Variants in DTWD2 observed in about 807,000 individuals in gnomAD.
DTWD2 encodes the protein tRNA-uridine aminocarboxypropyltransferase 2.
In DTWD2, 39 loss-of-function variants were observed where a neutral mutation model predicts 31.8. That is an observed-to-expected ratio of 1.22 (90% CI 0.95 to 1.60). DTWD2 has a LOEUF of 1.60. Among genes scored for constraint, DTWD2 ranks in the 40% most tolerant of loss-of-function variants. DTWD2 has a pLI of 0.00. For missense variants in DTWD2, 515 were observed against 381.5 expected, an observed-to-expected ratio of 1.35 and a Z score of -2.92; for synonymous variants, 180 against 142.8, an observed-to-expected ratio of 1.26 and a Z score of -1.86.
intron 4 of DTWD2, among the ~76,000 whole-genome samples, chr5:118,851,411 T>C (rs998890252): frequency 1.3e-5 from 2 of 151,898 alleles, no homozygotes; most frequent in Admixed American, 6.6e-5. Context: ...GATGCCCACC[T>C]GAGTCACAAA....
rs1374395353 is a variant in DTWD2 at position 118,841,061 on chromosome 5, T to C, written c.753A>G (p.Leu251=). The change falls in exon 6 of 6, where the codon TTA becomes TTG. Residue 251 remains leucine (L), a synonymous_variant. Transcript: ENST00000510708. The part of the protein sequence containing the change: ...QETLLRPLQA[L]CSFQLQHGAQ... ...CACCATGCTGAAGTTGAAAGGAGCA[T>C]AAAGCTTGAAGAGGGCGAAGCAAAG... 3 of 1,612,828 alleles carry C rather than the reference T, an allele frequency of 1.9e-6. No individual in the cohort carries two copies. The highest frequency in any genetic ancestry group is 1.3e-5 in the African/African-American group (1 of 74,874).
At position 118,848,134 on chromosome 5, in the gene DTWD2, C is replaced by G; in HGVS notation, c.682G>C (p.Ala228Pro). ...TTCTCCAAGATGGAAAGAGCAACAG[C>G]TGCACACTCCAGTGTAGAAAGGCAT... ...NRCLSTLECA[A>P]VALSILEKNN... The change falls in exon 5 of 6, where the codon GCT (alanine) becomes CCT (proline). Residue 228 changes from alanine to proline, a missense_variant. By Grantham distance (27) the Ala-to-Pro change is conservative. Transcript: ENST00000510708. The G allele has an allele frequency of 1.2e-6, 2 of 1,601,956 alleles. No individual in the cohort carries two copies. Among genetic ancestry groups the G allele is most frequent in the African/African-American group, 2.7e-5 (2 of 74,380 alleles).
intron 4 of DTWD2, among the ~76,000 whole-genome samples, chr5:118,891,853 T>G (rs1386102629): frequency 1.3e-5 from 2 of 152,202 alleles, no homozygotes; most frequent in African/African-American, 4.8e-5. Context: ...AAACTGCCTT[T>G]CGGTCTCTTA....
chr5:118,885,354 T>C (rs1385611064), intron 4 of DTWD2, among the ~76,000 whole-genome samples: 2 of 142,460 alleles, frequency 1.4e-5, no homozygotes, highest in Non-Finnish European at 3.0e-5. Flanking sequence ...CAGGAGGCTG[T>C]GGCGGAAGAA....
At chr5:118,874,825 T>A (rs1752585887) in intron 4 of DTWD2, among the ~76,000 whole-genome samples, 1 of 151,924 alleles carries the variant, frequency 6.6e-6, no homozygotes, top group Admixed American at 6.5e-5. Flanking sequence ...CAAAGCTAGC[T>A]AGAGAGGCCA....
intron 4 of DTWD2, among the ~76,000 whole-genome samples, chr5:118,899,757 G>A (rs150263426): frequency 1.6e-3 from 233 of 149,794 alleles, no homozygotes; most frequent in African/African-American, 5.3e-3. Context: ...AAATTTTATA[G>A]AAATTGAATC....
At chr5:118,845,413 T>A (rs774898266) in intron 5 of DTWD2, among the ~76,000 whole-genome samples, 10 of 152,334 alleles carry the variant, frequency 6.6e-5, no homozygotes, top group African/African-American at 2.4e-4. Flanking sequence ...TTCTCATAAC[T>A]AGATTTGAAA....
At chr5:118,984,068 C>T (rs1345357291) in intron 1 of DTWD2, among the ~76,000 whole-genome samples, 1 of 152,206 alleles carries the variant, frequency 6.6e-6, no homozygotes, top group Non-Finnish European at 1.5e-5. Flanking sequence ...AGGCGGATCA[C>T]CTGAGGTTGG....
At chr5:118,965,282 CG>C (rs1197614547) in intron 1 of DTWD2, among the ~76,000 whole-genome samples, 1 of 151,160 alleles carries the variant, frequency 6.6e-6, no homozygotes, top group Non-Finnish European at 1.5e-5. Context: ...AGCCCCCGCC[CG>C]GCCAGCCTCC....
intron 3 of DTWD2, among the ~76,000 whole-genome samples, chr5:118,934,611 G>A (rs182262271): frequency 6.6e-6 from 1 of 152,178 alleles, no homozygotes. Context: ...GGAACGCTAA[G>A]AAAAACTTAG....
In DTWD2 at chr5:118,967,762, T is replaced by C. The variant is rs192710539; in HGVS notation, c.218+20532A>G. On this transcript the variant is annotated intron_variant, in intron 1 of 5. Coordinates refer to ENST00000510708, the MANE Select transcript of DTWD2 (RefSeq NM_173666.4). Reference sequence around the variant, plus strand: ...ATATAGAAACATTCCAATCAATAAATGTAGAAAGAATGGGGAAAATAGAGA... The same window carrying C: ...ATATAGAAACATTCCAATCAATAAACGTAGAAAGAATGGGGAAAATAGAGA... Among the ~76,000 whole-genome samples, 697 of 152,000 alleles carry C rather than the reference T, an allele frequency of 4.6e-3. 6 individuals are homozygous for C. Among genetic ancestry groups the C allele is most frequent in the African/African-American group, 0.014 (581 of 41,458 alleles).
chr5:118,976,240 A>G (rs1269452379), intron 1 of DTWD2, among the ~76,000 whole-genome samples: 2 of 152,228 alleles, frequency 1.3e-5, no homozygotes, highest in Non-Finnish European at 2.9e-5. Context: ...AGAAAGTGGG[A>G]AAGATCTAAA....
At chr5:118,844,664 T>G (rs1454417404) in intron 5 of DTWD2, among the ~76,000 whole-genome samples, 1 of 152,234 alleles carries the variant, frequency 6.6e-6, no homozygotes. Flanking sequence ...TAAGTTGTAA[T>G]TCAAAACTAC....
intron 1 of DTWD2, among the ~76,000 whole-genome samples, chr5:118,982,292 TA>T (rs1755319060): frequency 6.6e-6 from 1 of 152,170 alleles, no homozygotes; most frequent in South Asian, 2.1e-4. Context: ...TATCGGAGGG[TA>T]AAAATATAAT....
intron 4 of DTWD2, among the ~76,000 whole-genome samples, chr5:118,872,691 A>C (rs928315486): frequency 2.4e-4 from 36 of 152,364 alleles, no homozygotes; most frequent in African/African-American, 7.9e-4. Flanking sequence ...AACAGAAATA[A>C]TACCAATGAA....
At chr5:118,886,146 T>G (rs762856438) in intron 4 of DTWD2, among the ~76,000 whole-genome samples, 1 of 152,242 alleles carries the variant, frequency 6.6e-6, no homozygotes, top group Non-Finnish European at 1.5e-5. Context: ...ATTAACATAC[T>G]GTCTATCCAT....
chr5:118,891,203 A>G (rs1053268579), intron 4 of DTWD2, among the ~76,000 whole-genome samples: 3 of 140,630 alleles, frequency 2.1e-5, no homozygotes, highest in Admixed American at 7.0e-5. Context: ...GATTTTTTAG[A>G]AAAAAAAAAT....
chr5:118,866,284 A>C (rs1275061377), intron 4 of DTWD2, among the ~76,000 whole-genome samples: 3 of 152,180 alleles, frequency 2.0e-5, no homozygotes, highest in Non-Finnish European at 2.9e-5. Flanking sequence ...CAGTTTAAAA[A>C]TTTTATGATT....
intron 2 of DTWD2, among the ~76,000 whole-genome samples, chr5:118,942,005 T>C (rs1754214728): frequency 1.3e-5 from 2 of 152,244 alleles, no homozygotes; most frequent in Admixed American, 6.5e-5. Context: ...TCATATCCTT[T>C]GTCCACTTTT....
Sources: gnomAD v4.1 joint callset for allele counts (sites outside exome capture counted in the v4.1 genomes callset) on GRCh38, gnomAD v4.1.1 for gene constraint, MANE v1.5 for transcripts, NCBI Gene and HGNC (gene_info 2026-07-23, HGNC 2026-07-21) for gene names.